LYN: variants seen among roughly 807,000 people sequenced by gnomAD.
LYN encodes tyrosine-protein kinase Lyn.
In LYN, 12 loss-of-function variants were observed where a neutral mutation model predicts 65.0. That is an observed-to-expected ratio of 0.18 (90% CI 0.12 to 0.30). LYN has a LOEUF of 0.30. Among genes scored for constraint, LYN ranks in the 10% least tolerant of loss-of-function variants. The probability of loss-of-function intolerance (pLI) is 1.00; values close to 1 mark genes in which losing one functional copy is unlikely to be tolerated. For synonymous variants in LYN, 222 were observed against 221.2 expected, an observed-to-expected ratio of 1.00 and a Z score of -0.03; for missense variants, 380 against 623.2, an observed-to-expected ratio of 0.61 and a Z score of 4.16.
At chr8:55,892,552 C>CT (rs1341190645) in intron 1 of LYN, among the ~76,000 whole-genome samples, 2 of 151,902 alleles carry the variant, frequency 1.3e-5, no homozygotes, top group Admixed American at 6.6e-5. Flanking sequence ...AAGTATCTTT[C>CT]TTTTTTTTGA....
intron 1 of LYN, among the ~76,000 whole-genome samples, chr8:55,909,794 A>G (rs183803415): frequency 2.5e-3 from 382 of 152,336 alleles, no homozygotes; most frequent in Middle Eastern, 0.01. Flanking sequence ...TTTGAATAAT[A>G]GCCATTCTGA....
At chr8:55,904,466 T>A (rs1451025827) in intron 1 of LYN, among the ~76,000 whole-genome samples, 1 of 152,154 alleles carries the variant, frequency 6.6e-6, no homozygotes, top group Non-Finnish European at 1.5e-5. Context: ...CTGTTCTGAG[T>A]TCACATATGG....
intron 10 of LYN, among the ~76,000 whole-genome samples, chr8:55,986,395 A>C (rs555891565): frequency 2.8e-4 from 43 of 152,280 alleles, no homozygotes; most frequent in Non-Finnish European, 3.2e-4. Flanking sequence ...TGAGTTTTGA[A>C]ATATCTATCC....
intron 10 of LYN, among the ~76,000 whole-genome samples, chr8:55,984,133 C>A (rs1808007757): frequency 6.6e-6 from 1 of 152,136 alleles, no homozygotes; most frequent in Admixed American, 6.5e-5. Context: ...CTATTTAGGG[C>A]CCACCCTAAA....
intron 1 of LYN, among the ~76,000 whole-genome samples, chr8:55,884,638 T>C (rs1286348362): frequency 2.0e-5 from 3 of 149,616 alleles, no homozygotes; most frequent in African/African-American, 7.4e-5. Flanking sequence ...GTATTTTTAG[T>C]AGAGATGGGT....
chr8:55,949,410 A>G (rs1806874140), intron 4 of LYN, among the ~76,000 whole-genome samples: 1 of 152,180 alleles, frequency 6.6e-6, no homozygotes, highest in African/African-American at 2.4e-5. Context: ...CTCTAAACAT[A>G]TTTTAATTCC....
chr8:55,930,770 C>T (rs1400602009), intron 1 of LYN, among the ~76,000 whole-genome samples: 1 of 152,144 alleles, frequency 6.6e-6, no homozygotes, highest in Non-Finnish European at 1.5e-5. Context: ...CTTCCTCCTC[C>T]CCCTGCTGGC....
intron 10 of LYN, among the ~76,000 whole-genome samples, chr8:55,989,511 C>T (rs1808184999): frequency 6.6e-6 from 1 of 152,140 alleles, no homozygotes; most frequent in Non-Finnish European, 1.5e-5. Context: ...CGAGAAGGTC[C>T]AGGCAGGTGC....
At chr8:56,002,266 A>T (rs900566885) in intron 12 of LYN, among the ~76,000 whole-genome samples, 1 of 151,964 alleles carries the variant, frequency 6.6e-6, no homozygotes, top group Admixed American at 6.6e-5. Flanking sequence ...AAAAATAAAA[A>T]CAATTAGCCA....
intron 10 of LYN, chr8:55,980,518 C>T (rs1807888692): frequency 6.6e-6 from 1 of 152,380 alleles, no homozygotes; most frequent in Admixed American, 6.5e-5. Flanking sequence ...GGATTACAGG[C>T]ATACACCATC....
At chr8:55,977,284 G>T (rs1475176755) in intron 10 of LYN, among the ~76,000 whole-genome samples, 1 of 152,166 alleles carries the variant, frequency 6.6e-6, no homozygotes. Context: ...AAATGTATCT[G>T]TACAAAATAA....
At chr8:55,898,501 C>A (rs1585573384) in intron 1 of LYN, among the ~76,000 whole-genome samples, 1 of 152,154 alleles carries the variant, frequency 6.6e-6, no homozygotes, top group Non-Finnish European at 1.5e-5. Flanking sequence ...GTTGCCCAGG[C>A]TGGTCTTGAA....
chr8:55,994,825 TGGGACAGAGTCAGCTATGA>T (rs1808332688), intron 10 of LYN, among the ~76,000 whole-genome samples: 1 of 152,212 alleles, frequency 6.6e-6, no homozygotes, highest in Non-Finnish European at 1.5e-5. Context: ...GCCGGGAGGC[TGGGACAGAGTCAGCTATGA>T]CCGCTCAATT....
rs112576994 is a variant in LYN, at chr8:55,983,074, A to G, written c.1050+13281A>G. ...CTTCACCTATTTTGCCCTCATGTCC[A>G]CACAACAGCTGTGACCTGCACTGAG... On this transcript the variant is annotated intron_variant, in intron 10 of 12. Transcript: ENST00000519728. 5.1e-3 allele frequency among the ~76,000 whole-genome samples: 777 copies of G among 152,094 alleles called. 7 individuals carry two copies. Among genetic ancestry groups the G allele is most frequent in the African/African-American group, 0.018 (739 of 41,482 alleles).
At chr8:55,960,908 T>C (rs980787086) in intron 8 of LYN, among the ~76,000 whole-genome samples, 33 of 152,296 alleles carry the variant, frequency 2.2e-4, no homozygotes, top group African/African-American at 7.9e-4. Context: ...TCCTCTTGTT[T>C]GTGTGATCCT....
Position 55,951,950 on chromosome 8 carries a change from A to G in LYN, c.488-16A>G. 1 of 1,606,780 alleles carries G rather than the reference A, an allele frequency of 6.2e-7. No homozygotes were observed. On this transcript the variant is annotated splice_polypyrimidine_tract_variant and intron_variant, in intron 6 of 12. Coordinates refer to ENST00000519728, the MANE Select transcript of LYN (RefSeq NM_002350.4). The stretch of plus-strand genomic sequence containing the variant: ...TTGTGAGATATAAACATTTACTTAC[A>G]CTTTTCCCCCCATAGGAAGCTTCTC...
At chr8:55,968,546 C>T (rs1382205373) in intron 9 of LYN, among the ~76,000 whole-genome samples, 1 of 152,240 alleles carries the variant, frequency 6.6e-6, no homozygotes, top group Non-Finnish European at 1.5e-5. Context: ...TGTGAGCCAC[C>T]AAGCTTGGCC....
intron 1 of LYN, among the ~76,000 whole-genome samples, chr8:55,907,471 C>T (rs1374663311): frequency 1.3e-5 from 2 of 152,160 alleles, no homozygotes; most frequent in African/African-American, 4.8e-5. Flanking sequence ...AGCTCTGTGT[C>T]TGGTTTTGGA....
chr8:55,909,987 G>A (rs1563505444), intron 1 of LYN, among the ~76,000 whole-genome samples: 1 of 15,724 alleles, frequency 6.4e-5, no homozygotes, highest in African/African-American at 2.2e-4. Flanking sequence ...GTGTGTGTGT[G>A]TGTGTCTTTT....
Sources: gnomAD v4.1 joint callset for allele counts (sites outside exome capture counted in the v4.1 genomes callset) on GRCh38, gnomAD v4.1.1 for gene constraint, MANE v1.5 for transcripts, NCBI Gene and HGNC (gene_info 2026-07-23, HGNC 2026-07-21) for gene names.